The following UBR4 variants were observed in gnomAD, a reference collection of about 807,000 sequenced individuals.
UBR4 encodes E3 ubiquitin-protein ligase UBR4.
UBR4 carries 124 observed loss-of-function variants against 575.6 expected under a neutral mutation model. That is an observed-to-expected ratio of 0.22 (90% CI 0.19 to 0.25). The LOEUF is 0.25. UBR4 is among the 10% of genes least tolerant of loss of function. The probability of loss-of-function intolerance (pLI) is 1.00; values close to 1 mark genes in which losing one functional copy is unlikely to be tolerated. For missense variants in UBR4, 4,818 were observed against 6,478.8 expected (o/e 0.74, Z 8.80); for synonymous variants, 2,455 against 2,473.7 (o/e 0.99, Z 0.22).
rs762484295 is a variant in UBR4 at position 19,210,223 on chromosome 1, G to C, written c.26C>G (p.Ala9Gly). The C allele has an allele frequency of 7.0e-7, 1 of 1,435,946 alleles. No homozygotes were observed. Among genetic ancestry groups the C allele is most frequent in the African/African-American group, 1.5e-5 (1 of 66,968 alleles). The allele number at this position is 1,435,946 out of a possible 1,614,324, so 89.0% of individuals were successfully genotyped here. The change falls in exon 1 of 106, where the codon GCG becomes GGG. Residue 9 changes from alanine to glycine, a missense_variant. By Grantham distance (60) the Ala-to-Gly change is moderately conservative. Around this residue, in one of 29 missense-constraint regions of UBR4, gnomAD observed 95 missense variants for 87.7 expected, o/e 1.08. Coordinates refer to ENST00000375254, the MANE Select transcript of UBR4 (RefSeq NM_020765.3). MATSGGEE[A>G]AAAAPAPGTP... ...CCCCGGCGCCGGAGCCGCTGCCGCCGCCTCTTCGCCGCCGCTCGTCGCCAT... is the reference window on the plus strand; with the variant it reads ...CCCCGGCGCCGGAGCCGCTGCCGCCCCCTCTTCGCCGCCGCTCGTCGCCAT...
Position 19,162,552 on chromosome 1 carries a change from A to G in UBR4, c.4824T>C (p.Asn1608=). ...HIMSYLADVT[N]ALSQSNGQGP... ...CTTGACCATTACTCTGGCTCAGGGC[A>G]TTCGTGACATCAGCCAAGTAAGACA... The change falls in exon 35 of 106, where the codon AAT becomes AAC. Residue 1608 remains asparagine (N), a synonymous_variant. Transcript: ENST00000375254. 1 of 1,614,188 alleles carries G rather than the reference A, an allele frequency of 6.2e-7. No homozygotes were observed. The highest frequency in any genetic ancestry group is 8.5e-7 in the Non-Finnish European group (1 of 1,180,008).
chr1:19,138,507 C>A lies in UBR4; in HGVS notation c.8732-326G>T, dbSNP rs571138774. 2.0e-5 allele frequency among the ~76,000 whole-genome samples: 3 copies of A among 152,268 alleles called. No individual in the cohort carries two copies. The East Asian group carries it at 5.8e-4, about 29-fold the overall frequency. On this transcript the variant is annotated intron_variant, in intron 59 of 105. Coordinates refer to ENST00000375254, the MANE Select transcript of UBR4 (RefSeq NM_020765.3). Reference sequence around the variant, plus strand: ...AGAAATTATCAGCTGCTCTTCATCTCCTCTGTAAAAATTGTATCCAGTTGC... The same window carrying A: ...AGAAATTATCAGCTGCTCTTCATCTACTCTGTAAAAATTGTATCCAGTTGC...
In UBR4 at chr1:19,185,146, G is replaced by T; in HGVS notation, c.1891C>A (p.Pro631Thr). The T allele has an allele frequency of 1.2e-6, 2 of 1,614,104 alleles. No individual in the cohort carries two copies. Among genetic ancestry groups the T allele is most frequent in the Non-Finnish European group, 1.7e-6 (2 of 1,180,022 alleles). ...GCCAGAATGTTGCCCTTCTCACCAG[G>T]GGCCTGCTTACTGGGGCTTTTAACC... ...PRVKSPSKQA[P>T]GEKGNILASR... The change falls in exon 15 of 106, where the codon CCT becomes ACT. Residue 631 changes from proline to threonine, a missense_variant. By Grantham distance (38) the Pro-to-Thr change is conservative (BLOSUM62 -1). This residue lies in a region of UBR4 where 1,172 missense variants were observed against 1,259.7 expected (regional missense o/e 0.93). Coordinates refer to ENST00000375254, the MANE Select transcript of UBR4 (RefSeq NM_020765.3).
In UBR4 at chr1:19,093,589, C is replaced by T; in HGVS notation, c.13938-103G>A. ...GTCAACAGCCTATAGAAGATCAAGG[C>T]TAAATTCCCTAACGTGACACAAAGA... On this transcript the variant is annotated intron_variant, in intron 95 of 105. Coordinates refer to ENST00000375254, the MANE Select transcript of UBR4 (RefSeq NM_020765.3). This position sits in a 1 kb window ranked among gnomAD's most constrained non-coding sequence, Gnocchi z 4.8. 7.8e-7 allele frequency: 1 copy of T among 1,282,044 alleles called. No homozygotes were observed. The highest frequency in any genetic ancestry group is 1.1e-6 in the Non-Finnish European group (1 of 924,802). The allele number at this position is 1,282,044 out of a possible 1,614,324, so 79.4% of individuals were successfully genotyped here.
At chr1:19,114,683 G>C in intron 75 of UBR4, 128 bp downstream of exon 75, 1 of 1,198,554 alleles carries the variant, frequency 8.3e-7, no homozygotes, top group South Asian at 1.5e-5. Flanking sequence ...CCCAAAAGCT[G>C]GGCCCTGAAA....
At position 19,157,041 on chromosome 1, in the gene UBR4, A is replaced by G. The variant is rs536868409; in HGVS notation, c.5761-116T>C. The G allele has an allele frequency of 9.9e-6, 12 of 1,212,540 alleles. No individual in the cohort carries two copies. The highest frequency in any genetic ancestry group is 8.1e-5 in the Admixed American group (3 of 37,008). The allele number at this position is 1,212,540 out of a possible 1,614,324, so 75.1% of individuals were successfully genotyped here. A position where few individuals can be genotyped will look rare whatever the true frequency, so the allele number is the denominator to read the frequency against. On this transcript the variant is annotated intron_variant, in intron 40 of 105. Coordinates refer to ENST00000375254, the MANE Select transcript of UBR4 (RefSeq NM_020765.3). The surrounding 1 kb of genome is among the most constrained non-coding windows in gnomAD (Gnocchi z 4.4). ...AGGTTGCACACTTTTTTCTTTACAG[A>G]TAAGTCTAGTAGAAAATCCTAGATC...
chr1:19,130,540 G>C (rs1176248616), intron 60 of UBR4, among the ~76,000 whole-genome samples: 1 of 152,176 alleles, frequency 6.6e-6, no homozygotes. Flanking sequence ...ATGAAAGAAA[G>C]TACGGGGTCT....
chr1:19,174,231 A>G, intron 22 of UBR4, 88 bp downstream of exon 22: 1 of 1,516,600 alleles, frequency 6.6e-7, no homozygotes, highest in Non-Finnish European at 8.8e-7. Context: ...TATTCAATAA[A>G]CTGGTTACAT....
At chr1:19,078,253 G>A (rs2076152557) in intron 103 of UBR4, 187 bp from the exon 104 acceptor site, 1 of 556,924 alleles carries the variant, frequency 1.8e-6, no homozygotes, top group Non-Finnish European at 3.2e-6. Context: ...GGACCCAGAA[G>A]TTTATTGGTT....
chr1:19,086,016 G>A, intron 101 of UBR4, 129 bp downstream of exon 101: 1 of 1,389,726 alleles, frequency 7.2e-7, no homozygotes. Flanking sequence ...CAGTCAGCAA[G>A]CAGACAGACA....
At chr1:19,108,989 G>T (rs768907299) in intron 81 of UBR4, among the ~76,000 whole-genome samples, 4 of 152,190 alleles carry the variant, frequency 2.6e-5, no homozygotes, top group Non-Finnish European at 5.9e-5. Flanking sequence ...GCTGATTTTA[G>T]TTGCTGGGAA....
Position 19,144,920 on chromosome 1 carries a change from C to A in UBR4, c.7946-13G>T. ...ATATGAGTTAGTCCTAAAGGAGAGACAAACATTATTTGAAAATCTGGAGGA... is the reference window on the plus strand; with the variant it reads ...ATATGAGTTAGTCCTAAAGGAGAGAAAAACATTATTTGAAAATCTGGAGGA... On this transcript the variant is annotated splice_polypyrimidine_tract_variant and intron_variant, in intron 53 of 105. Transcript: ENST00000375254. The A allele has an allele frequency of 6.8e-6, 11 of 1,611,208 alleles. No individual in the cohort carries two copies. Among genetic ancestry groups the A allele is most frequent in the Non-Finnish European group, 9.3e-6 (11 of 1,179,174 alleles).
chr1:19,089,903 C>T lies in UBR4; in HGVS notation c.14212-926G>A, dbSNP rs2077350224. Among the ~76,000 whole-genome samples, 1 of 152,220 alleles carries T rather than the reference C, an allele frequency of 6.6e-6. No individual in the cohort carries two copies. The highest frequency in any genetic ancestry group is 6.5e-5 in the Admixed American group (1 of 15,284). On this transcript the variant is annotated intron_variant, in intron 97 of 105. Transcript: ENST00000375254. The surrounding 1 kb of genome is among the most constrained non-coding windows in gnomAD (Gnocchi z 4.3). ...TATTTCAACTCCTACTGAGCTTTTCCACAGGTACCCCAAACTCAACATTCT... is the reference window on the plus strand; with the variant it reads ...TATTTCAACTCCTACTGAGCTTTTCTACAGGTACCCCAAACTCAACATTCT...
intron 48 of UBR4, chr1:19,151,076 C>T (rs2085625938): frequency 4.2e-6 from 2 of 481,542 alleles, no homozygotes; most frequent in Admixed American, 3.5e-5. Flanking sequence ...GTATCCCCTA[C>T]CCCTCACTCC....
intron 90 of UBR4, 45 bp downstream of exon 90, chr1:19,099,552 C>T: frequency 6.4e-7 from 1 of 1,570,020 alleles, no homozygotes; most frequent in Non-Finnish European, 8.7e-7. Flanking sequence ...CTGCATAAGT[C>T]AGAAAAGTGA....
intron 38 of UBR4, 35 bp downstream of exon 38, chr1:19,160,882 C>CGG: frequency 6.2e-7 from 1 of 1,604,186 alleles, no homozygotes; most frequent in Non-Finnish European, 8.5e-7. Flanking sequence ...GCTCTGAACT[C>CGG]TGTCTGCTTA....
intron 17 of UBR4, among the ~76,000 whole-genome samples, chr1:19,182,863 G>C (rs2091137118): frequency 6.6e-6 from 1 of 152,012 alleles, no homozygotes. Context: ...AAAACTACAA[G>C]CAATTATTAA....
At chr1:19,084,790 C>A (rs2076846350) in intron 101 of UBR4, 92 bp from the exon 102 acceptor site, 3 of 1,261,682 alleles carry the variant, frequency 2.4e-6, no homozygotes, top group Admixed American at 4.8e-5. Flanking sequence ...TACTCCCAGG[C>A]CTGATGGCTG....
At chr1:19,166,837 C>T (rs1265574142) in intron 29 of UBR4, among the ~76,000 whole-genome samples, 185 bp downstream of exon 29, 2 of 150,098 alleles carry the variant, frequency 1.3e-5, no homozygotes, top group Admixed American at 1.3e-4. Context: ...GCCCCGGAGG[C>T]AGAGGTTGCA....
Sources: gnomAD v4.1 joint callset for allele counts (sites outside exome capture counted in the v4.1 genomes callset) on GRCh38, gnomAD v4.1.1 for gene constraint, gnomAD v4.1.1 regional missense constraint, Gnocchi (gnomAD v3.1) non-coding constraint, MANE v1.5 for transcripts, NCBI Gene and HGNC (gene_info 2026-07-23, HGNC 2026-07-21) for gene names.